The following MMP26 variants were observed in gnomAD, a reference collection of about 807,000 sequenced individuals.
The protein encoded by MMP26 is matrix metallopeptidase 26, also known as matrix metalloproteinase-26.
Under a neutral mutation model 31.0 loss-of-function variants are expected in MMP26, and 33 were observed. The ratio of observed to expected loss-of-function variants is 1.06; its 90% CI spans 0.81 to 1.42. The LOEUF is 1.42. MMP26 is among the 40% of genes most tolerant of loss of function. MMP26 has a pLI of 0.00. For missense variants in MMP26, 347 were observed against 316.1 expected (o/e 1.10, Z -0.74); for synonymous variants, 122 against 114.9 (o/e 1.06, Z -0.40).
intron 2 of MMP26, among the ~76,000 whole-genome samples, chr11:4,970,864 G>T (rs1272040328): frequency 1.3e-5 from 2 of 152,276 alleles, no homozygotes; most frequent in Middle Eastern, 3.4e-3. Context: ...CTCAGGCCCC[G>T]CAGGGGCTTA....
intron 2 of MMP26, among the ~76,000 whole-genome samples, chr11:4,789,528 CACTTTTTTTTTTTT>C (rs1848993029): frequency 1.1e-5 from 1 of 92,940 alleles, no homozygotes; most frequent in African/African-American, 4.6e-5. Flanking sequence ...GATATCCCCC[CACTTTTTTTTTTTT>C]TTTTTTTTTT....
At chr11:4,880,634 G>A (rs1195595447) in intron 2 of MMP26, among the ~76,000 whole-genome samples, 1 of 152,088 alleles carries the variant, frequency 6.6e-6, no homozygotes, top group Non-Finnish European at 1.5e-5. Context: ...TTAAAAACGT[G>A]CATTCCCAAA....
intron 2 of MMP26, among the ~76,000 whole-genome samples, chr11:4,880,113 T>G (rs16906893): frequency 2.6e-5 from 4 of 152,174 alleles, no homozygotes; most frequent in African/African-American, 9.6e-5. Flanking sequence ...TCTGAGTTGC[T>G]GATGGGTTCC....
At chr11:4,846,452 A>G (rs1849868701) in intron 2 of MMP26, among the ~76,000 whole-genome samples, 1 of 152,176 alleles carries the variant, frequency 6.6e-6, no homozygotes, top group African/African-American at 2.4e-5. Context: ...ATGGGTATAA[A>G]AAATAATAGA....
intron 2 of MMP26, among the ~76,000 whole-genome samples, chr11:4,782,340 G>A (rs1396875616): frequency 6.6e-6 from 1 of 152,172 alleles, no homozygotes; most frequent in Non-Finnish European, 1.5e-5. Flanking sequence ...CTCTTGTTAT[G>A]TTTTAGCAAA....
chr11:4,805,235 C>A (rs187324174), intron 2 of MMP26, among the ~76,000 whole-genome samples: 5 of 152,236 alleles, frequency 3.3e-5, no homozygotes, highest in East Asian at 3.9e-4. Flanking sequence ...GGTCAGTTAC[C>A]ACAAGGGCTT....
chr11:4,904,093 T>C (rs1486867747), intron 2 of MMP26, among the ~76,000 whole-genome samples: 1 of 152,118 alleles, frequency 6.6e-6, no homozygotes. Flanking sequence ...TAGGACTTGA[T>C]GTCTGGAAGG....
chr11:4,976,038 G>C (rs892952498), intron 2 of MMP26, among the ~76,000 whole-genome samples: 1 of 151,972 alleles, frequency 6.6e-6, no homozygotes, highest in African/African-American at 2.4e-5. Flanking sequence ...TTTAGAAAAT[G>C]CTATGGCTTT....
intron 1 of MMP26, among the ~76,000 whole-genome samples, chr11:4,709,254 A>G (rs2133263655): frequency 6.6e-6 from 1 of 152,228 alleles, no homozygotes; most frequent in East Asian, 1.9e-4. Context: ...AATGGGAAAC[A>G]TTTTCTATTA....
chr11:4,927,268 T>G (rs1422812371), intron 2 of MMP26, among the ~76,000 whole-genome samples: 6 of 152,136 alleles, frequency 3.9e-5, no homozygotes, highest in African/African-American at 1.4e-4. Flanking sequence ...ATGACCTTAT[T>G]TTAGTATAGA....
Position 4,992,235 on chromosome 11 carries a change from T to C in MMP26, c.779T>C (p.Ile260Thr). The C allele has an allele frequency of 1.2e-6, 2 of 1,607,988 alleles. No individual in the cohort carries two copies. Among genetic ancestry groups the C allele is most frequent in the Non-Finnish European group, 1.7e-6 (2 of 1,176,694 alleles). ...HLYGEKCSSD[I>T]P Reference sequence around the variant, plus strand: ...ATAGGAGAAAAATGTTCATCTGACATACCTTAATGTTAGCACAGAGGACTT... The same window carrying C: ...ATAGGAGAAAAATGTTCATCTGACACACCTTAATGTTAGCACAGAGGACTT... Residue 260 changes from isoleucine to threonine, a missense_variant, in exon 8 of 8, where the codon ATA becomes ACA. By Grantham distance (89) the Ile-to-Thr change is moderately conservative. Coordinates refer to ENST00000380390, the MANE Select transcript of MMP26 (RefSeq NM_021801.5).
At chr11:4,735,650 T>C (rs146358933) in intron 1 of MMP26, among the ~76,000 whole-genome samples, 82 of 152,304 alleles carry the variant, frequency 5.4e-4, no homozygotes, top group African/African-American at 1.9e-3. Flanking sequence ...AACAATATAT[T>C]GTTTGTTTCT....
intron 2 of MMP26, chr11:4,822,530 A>G: frequency 4.9e-6 from 3 of 612,832 alleles, no homozygotes; most frequent in Non-Finnish European, 7.3e-6. Context: ...TTGTCAATAA[A>G]TTCATGTCAT....
chr11:4,923,594 G>A, intron 2 of MMP26: 1 of 1,614,150 alleles, frequency 6.2e-7, no homozygotes, highest in African/African-American at 1.3e-5. Flanking sequence ...GAGCAGTACA[G>A]CACAGATATG....
chr11:4,747,096 G>A (rs1455056474), intron 1 of MMP26, among the ~76,000 whole-genome samples: 3 of 152,146 alleles, frequency 2.0e-5, no homozygotes, highest in African/African-American at 7.2e-5. Flanking sequence ...ACTGGTTGAT[G>A]CAAGTGGACC....
intron 2 of MMP26, among the ~76,000 whole-genome samples, chr11:4,820,529 C>A (rs150154506): frequency 2.5e-4 from 38 of 151,166 alleles, no homozygotes; most frequent in African/African-American, 9.0e-4. Flanking sequence ...TTTCTCACTC[C>A]CTCCCTTCTT....
At chr11:4,838,185 G>T (rs1849744625) in intron 2 of MMP26, among the ~76,000 whole-genome samples, 2 of 150,620 alleles carry the variant, frequency 1.3e-5, no homozygotes, top group South Asian at 4.2e-4. Context: ...GGGCGTGGTG[G>T]TGGGTGCCCG....
At chr11:4,767,780 A>T (rs1359514357) in intron 2 of MMP26, among the ~76,000 whole-genome samples, 1 of 152,168 alleles carries the variant, frequency 6.6e-6, no homozygotes, top group East Asian at 1.9e-4. Context: ...TTTGTGGGGT[A>T]CCTGGTACAT....
chr11:4,858,315 A>G (rs2133508493), intron 2 of MMP26, among the ~76,000 whole-genome samples: 1 of 152,320 alleles, frequency 6.6e-6, no homozygotes, highest in South Asian at 2.1e-4. Flanking sequence ...ATGATTGCAT[A>G]TTTAGAAAAC....
Sources: allele counts gnomAD v4.1 joint callset (sites outside exome capture counted in the v4.1 genomes callset), GRCh38; gene constraint gnomAD v4.1.1; transcripts MANE v1.5; gene names NCBI Gene and HGNC (gene_info 2026-07-23, HGNC 2026-07-21).